NKX3-2: variants seen among roughly 807,000 people sequenced by gnomAD.
NKX3-2 encodes the protein NK3 homeobox 2, also known as homeobox protein Nkx-3.2.
Under a neutral mutation model 19.4 loss-of-function variants are expected in NKX3-2, and 13 were observed. The ratio of observed to expected loss-of-function variants is 0.67; its 90% CI spans 0.44 to 1.07. The LOEUF is 1.07. NKX3-2 is among the 50% of genes least tolerant of loss of function. NKX3-2 has a pLI of 0.00. For missense variants in NKX3-2, 562 were observed against 488.2 expected, an observed-to-expected ratio of 1.15 and a Z score of -1.42; for synonymous variants, 269 against 230.5, an observed-to-expected ratio of 1.17 and a Z score of -1.51.
rs1364763622 is a variant in NKX3-2 at position 13,544,269 on chromosome 4, A to G, written c.146T>C (p.Val49Ala). The change falls in exon 1 of 2, where the codon GTC becomes GCC. Residue 49 changes from valine to alanine, a missense_variant. By Grantham distance (64) the Val-to-Ala change is moderately conservative (BLOSUM62 0). Coordinates refer to ENST00000382438, the MANE Select transcript of NKX3-2 (RefSeq NM_001189.4). ...TAASVAAAPAVCCWRLFGERD... is the reference protein window; with the variant it reads ...TAASVAAAPAACCWRLFGERD... ...CTCCCCAAAGAGCCGCCAACAGCAG[A>G]CAGCGGGAGCCGCGGCCACCGATGC... is the stretch of plus-strand genomic sequence containing the variant. The G allele has an allele frequency of 8.3e-6, 13 of 1,559,686 alleles. No individual in the cohort carries two copies. In the East Asian group the frequency reaches 9.5e-5, roughly 11 times the overall value.
rs567773423 is a variant in NKX3-2 at position 13,544,209 on chromosome 4, G to A, written c.206C>T (p.Ser69Phe). 6.3e-7 allele frequency: 1 copy of A among 1,598,250 alleles called. No homozygotes were observed. Among genetic ancestry groups the A allele is most frequent in the East Asian group, 2.3e-5 (1 of 44,412 alleles). ...GGTACCGGCAGGAGACGCCAGCAGA[G>A]AGTCCTCGGCGCCCCCCAACGCGCC... Reference protein sequence around the residue: ...DAGALGGAEDSLLASPAGTRT... With the variant: ...DAGALGGAEDFLLASPAGTRT... Residue 69 changes from serine to phenylalanine, a missense_variant, in exon 1 of 2, where the codon TCT becomes TTT. Coordinates refer to ENST00000382438, the MANE Select transcript of NKX3-2 (RefSeq NM_001189.4).
chr4:13,547,429 C>T (rs552904425), upstream of NKX3-2: 15 of 318,926 alleles, frequency 4.7e-5, no homozygotes, highest in South Asian at 2.9e-4. Context: ...CTGCGCGGCC[C>T]GGCCGGGCGG....
At chr4:13,546,940 G>C, upstream of NKX3-2, 2 of 456,306 alleles carry the variant, frequency 4.4e-6, no homozygotes, top group South Asian at 3.1e-5. Context: ...GTGTGAGAAA[G>C]GGGCTACGTT....
chr4:13,542,615 G>A lies in NKX3-2; in HGVS notation c.467-87C>T. 1.3e-6 allele frequency: 2 copies of A among 1,518,416 alleles called. No homozygotes were observed. Among genetic ancestry groups the A allele is most frequent in the Non-Finnish European group, 1.8e-6 (2 of 1,109,842 alleles). The allele number at this position is 1,518,416 out of a possible 1,614,324, so 94.1% of individuals were successfully genotyped here. Reference sequence around the variant, plus strand: ...GGCCTCAACTGCAGGGGTCACGGGAGTGGGGCGGAAATACACTTTGATCCC... The same window carrying A: ...GGCCTCAACTGCAGGGGTCACGGGAATGGGGCGGAAATACACTTTGATCCC... On this transcript the variant is annotated intron_variant, in intron 1 of 1. Transcript: ENST00000382438. This position sits in a 1 kb window ranked among gnomAD's most constrained non-coding sequence, Gnocchi z 6.4.
rs1480413108 is a variant in NKX3-2 at position 13,543,335 on chromosome 4, C to T, written c.466+614G>A. The stretch of plus-strand genomic sequence containing the variant: ...GGCCACGGCTGAGGAGGCCTCTCTC[C>T]TGCCTCCAGGATGAACTAAAGACCC... On this transcript the variant is annotated intron_variant, in intron 1 of 1. Transcript: ENST00000382438. The surrounding 1 kb of genome is among the most constrained non-coding windows in gnomAD (Gnocchi z 7.1). Among the ~76,000 whole-genome samples, 2 of 152,168 alleles carry T rather than the reference C, an allele frequency of 1.3e-5. No homozygotes were observed. Among genetic ancestry groups the T allele is most frequent in the East Asian group, 1.9e-4 (1 of 5,166 alleles).
At position 13,544,477 on chromosome 4, in the gene NKX3-2, GGACA is replaced by G; in HGVS notation, c.-67_-64del. 1 of 1,224,516 alleles carries G rather than the reference GGACA, an allele frequency of 8.2e-7. No individual in the cohort carries two copies. The highest frequency in any genetic ancestry group is 1.0e-6 in the Non-Finnish European group (1 of 963,324). The allele number at this position is 1,224,516 out of a possible 1,614,324, so 75.9% of individuals were successfully genotyped here. On this transcript the variant is annotated 5_prime_UTR_variant, in exon 1 of 2. Transcript: ENST00000382438. ...CTGGGGCGCCGAGCAGCTCCGAGCG[GGACA>G]GAGAGCGCCGGCGGCCGCAGCGCGA...
rs1027349897 is a variant in NKX3-2 at position 13,541,942 on chromosome 4, C to G, written c.*51G>C. 8.4e-5 allele frequency: 130 copies of G among 1,549,500 alleles called. No individual in the cohort carries two copies. Among genetic ancestry groups the G allele is most frequent in the Non-Finnish European group, 1.0e-4 (118 of 1,147,246 alleles). On this transcript the variant is annotated 3_prime_UTR_variant, in exon 2 of 2. Coordinates refer to ENST00000382438, the MANE Select transcript of NKX3-2 (RefSeq NM_001189.4). The stretch of plus-strand genomic sequence containing the variant: ...GGCTACAGCCTACAGCTGTCAGCGC[C>G]GGTCCGGAGCCGGAGCGCGGGAATC...
At chr4:13,547,122 G>A, upstream of NKX3-2, 1 of 456,362 alleles carries the variant, frequency 2.2e-6, no homozygotes, top group South Asian at 1.5e-5. Context: ...GCTGCTCCTA[G>A]CAAGGGGTCG....
chr4:13,544,409 A>G lies in NKX3-2; in HGVS notation c.6T>C (p.Ala2=). 1 of 1,528,980 alleles carries G rather than the reference A, an allele frequency of 6.5e-7. No individual in the cohort carries two copies. 94.7% of individuals were successfully genotyped at this position (1,528,980 alleles called of 1,614,324 possible). A position where few individuals can be genotyped will look rare whatever the true frequency, so the allele number is the denominator to read the frequency against. Residue 2 remains alanine, a synonymous_variant, in exon 1 of 2, where the codon GCT becomes GCC. Coordinates refer to ENST00000382438, the MANE Select transcript of NKX3-2 (RefSeq NM_001189.4). M[A]VRGANTLTSF... is the part of the protein sequence containing the mutation. ...ACGTCAAGGTGTTGGCGCCGCGCAC[A>G]GCCATCTGCGCCGCGGGCAGGAGCG...
At chr4:13,546,936 G>C (rs1367389413), upstream of NKX3-2, 1 of 456,190 alleles carries the variant, frequency 2.2e-6, no homozygotes, top group Non-Finnish European at 4.4e-6. Flanking sequence ...AGGAGTGTGA[G>C]AAAGGGGCTA....
At chr4:13,545,632 A>C (rs1052677487), upstream of NKX3-2, among the ~76,000 whole-genome samples, 1 of 152,232 alleles carries the variant, frequency 6.6e-6, no homozygotes, top group Non-Finnish European at 1.5e-5. Context: ...CAGGAGAAGA[A>C]TTGAAAGGCA....
At chr4:13,546,034 C>G (rs1052179017), upstream of NKX3-2, 1 of 152,066 alleles carries the variant, frequency 6.6e-6, no homozygotes, top group African/African-American at 2.4e-5. Context: ...ATAAACTTTA[C>G]CAGAGAGTTA....
At position 13,544,018 on chromosome 4, in the gene NKX3-2, C is replaced by T; in HGVS notation, c.397G>A (p.Ala133Thr). ...TCCTCCTCTAGGTCTTTGGAAGCGG[C>T]CAGCTCACAGACCGGCTGGCCGAGG... The part of the protein sequence containing the change: ...LSLGQPVCEL[A>T]ASKDLEEEAA... The change falls in exon 1 of 2, where the codon GCC (alanine) becomes ACC (threonine). Residue 133 changes from alanine to threonine, a missense_variant. Coordinates refer to ENST00000382438, the MANE Select transcript of NKX3-2 (RefSeq NM_001189.4). 1.3e-6 allele frequency: 2 copies of T among 1,564,852 alleles called. No homozygotes were observed. Among genetic ancestry groups the T allele is most frequent in the South Asian group, 1.2e-5 (1 of 83,794 alleles).
chr4:13,545,316 T>C (rs928106637), upstream of NKX3-2, among the ~76,000 whole-genome samples: 2 of 152,204 alleles, frequency 1.3e-5, no homozygotes, highest in Non-Finnish European at 2.9e-5. Context: ...TATCCACTTA[T>C]TCCAGCGCTT....
Position 13,542,557 on chromosome 4 carries a change from G to A in NKX3-2, c.467-29C>T, listed in dbSNP as rs1231756308. Reference sequence around the variant, plus strand: ...CGGACCCCGGTGGGAACAGAAACAAGAGACTGTCAGCGCCACAGACGAGGT... The same window carrying A: ...CGGACCCCGGTGGGAACAGAAACAAAAGACTGTCAGCGCCACAGACGAGGT... On this transcript the variant is annotated intron_variant, in intron 1 of 1. Transcript: ENST00000382438. This position sits in a 1 kb window ranked among gnomAD's most constrained non-coding sequence, Gnocchi z 6.4. 1.3e-6 allele frequency: 2 copies of A among 1,596,016 alleles called. No homozygotes were observed. Among genetic ancestry groups the A allele is most frequent in the African/African-American group, 2.7e-5 (2 of 74,836 alleles).
rs9684692 is a variant in NKX3-2, at chr4:13,544,168, G to T, written c.247C>A (p.Arg83=). 0.66 allele frequency: 1,059,685 copies of T among 1,603,528 alleles called. 355,806 individuals carry two copies. Among genetic ancestry groups the T allele is most frequent in the East Asian group, 0.96 (42,792 of 44,588 alleles). Residue 83 remains arginine, a synonymous_variant, in exon 1 of 2, where the codon CGG becomes AGG. Coordinates refer to ENST00000382438, the MANE Select transcript of NKX3-2 (RefSeq NM_001189.4). ...CAGCCTTCCGGGCTCTCCGCAGTCCGCCCCGCAGCTGTTCTGGTACCGGCA... is the reference window on the plus strand; with the variant it reads ...CAGCCTTCCGGGCTCTCCGCAGTCCTCCCCGCAGCTGTTCTGGTACCGGCA... ...SPAGTRTAAG[R]TAESPEGWDS...
In NKX3-2 at chr4:13,542,678, G is replaced by A. The variant is rs1451839667; in HGVS notation, c.467-150C>T. On this transcript the variant is annotated intron_variant, in intron 1 of 1. Coordinates refer to ENST00000382438, the MANE Select transcript of NKX3-2 (RefSeq NM_001189.4). The surrounding 1 kb of genome is among the most constrained non-coding windows in gnomAD (Gnocchi z 6.4). The stretch of plus-strand genomic sequence containing the variant: ...CGGAGGTCTGGGAGGCCCTGGGCCC[G>A]GGAGACCAGTCTTAGACTCTTGCCC... The A allele has an allele frequency of 1.2e-5, 12 of 1,035,162 alleles. No homozygotes were observed. The highest frequency in any genetic ancestry group is 2.5e-5 in the East Asian group (1 of 39,246). The allele number at this position is 1,035,162 out of a possible 1,614,324, so 64.1% of individuals were successfully genotyped here.
Position 13,543,985 on chromosome 4 carries a change from C to G in NKX3-2, c.430G>C (p.Gly144Arg). ...ASKDLEEEAAGRSDSEMSASV... is the reference protein window; with the variant it reads ...ASKDLEEEAARRSDSEMSASV... ...GCGGACATCTCGCTGTCGCTCCGGC[C>G]CGCGGCTTCCTCCTCTAGGTCTTTG... The change falls in exon 1 of 2, where the codon GGC (glycine) becomes CGC (arginine). Residue 144 changes from glycine (G) to arginine (R), a missense_variant. By Grantham distance (125) the Gly-to-Arg change is moderately radical (BLOSUM62 -2). Transcript: ENST00000382438. The surrounding 1 kb of genome is among the most constrained non-coding windows in gnomAD (Gnocchi z 7.1). 6.4e-7 allele frequency: 1 copy of G among 1,562,872 alleles called. No individual in the cohort carries two copies. Among genetic ancestry groups the G allele is most frequent in the Non-Finnish European group, 8.6e-7 (1 of 1,156,794 alleles).
upstream of NKX3-2, chr4:13,547,091 G>C (rs1329125275): frequency 1.8e-5 from 8 of 456,212 alleles, no homozygotes; most frequent in African/African-American, 4.0e-5. Context: ...TGAACTCGCG[G>C]GTCTTGAGCT....
Sources: allele counts gnomAD v4.1 joint callset (sites outside exome capture counted in the v4.1 genomes callset), GRCh38; gene constraint gnomAD v4.1.1; non-coding constraint Gnocchi (gnomAD v3.1); transcripts MANE v1.5; gene names NCBI Gene and HGNC (gene_info 2026-07-23, HGNC 2026-07-21).